The following DST variants were observed in gnomAD, a reference collection of about 807,000 sequenced individuals.
DST encodes the protein dystonin.
A neutral mutation model predicts 875.2 loss-of-function variants in DST; 253 were observed. The observed-to-expected ratio is 0.29, with a 90% CI of 0.26 to 0.32. The LOEUF (loss-of-function observed/expected upper bound fraction) is 0.32, where lower values mean the gene tolerates loss of function less well. Ranked by LOEUF, DST falls within the 10% of genes least tolerant of loss-of-function variation. DST has a pLI of 1.00. For missense variants in DST, 8,287 were observed against 9,111.6 expected (o/e 0.91, Z 3.68); for synonymous variants, 3,124 against 3,197.1 (o/e 0.98, Z 0.77).
chr6:56,954,593 G>C lies in DST; in HGVS notation c.-6C>G, dbSNP rs1562521123. On this transcript the variant is annotated 5_prime_UTR_variant, in exon 1 of 104. Coordinates refer to ENST00000680361, the MANE Select transcript of DST (RefSeq NM_001374736.1). Reference sequence around the variant, plus strand: ...AGGAAAGCCGCGGCGATCATGGTGCGGGCGAGGCGAGGGCGACTCGACGGC... The same window carrying C: ...AGGAAAGCCGCGGCGATCATGGTGCCGGCGAGGCGAGGGCGACTCGACGGC... The C allele has an allele frequency of 2.2e-6, 3 of 1,349,398 alleles. No individual in the cohort carries two copies. Among genetic ancestry groups the C allele is most frequent in the African/African-American group, 3.0e-5 (2 of 66,406 alleles). 83.6% of individuals were successfully genotyped at this position (1,349,398 alleles called of 1,614,324 possible).
chr6:56,749,215 G>A (rs528436944), intron 4 of DST, among the ~76,000 whole-genome samples: 4 of 152,208 alleles, frequency 2.6e-5, no homozygotes, highest in South Asian at 4.1e-4. Flanking sequence ...TTGGCCAGGC[G>A]TGGTGGTGTG....
At chr6:56,759,634 C>T (rs1164000838) in intron 4 of DST, among the ~76,000 whole-genome samples, 1 of 152,120 alleles carries the variant, frequency 6.6e-6, no homozygotes, top group Non-Finnish European at 1.5e-5. Context: ...ATTACAATCC[C>T]TTTGTCAGTC....
intron 2 of DST, chr6:56,945,973 T>C (rs905458854): frequency 1.4e-4 from 22 of 152,156 alleles, no homozygotes; most frequent in African/African-American, 5.3e-4. Flanking sequence ...AATTAAATTG[T>C]GATGATGGTT....
chr6:56,952,536 A>G (rs1474912190), intron 2 of DST, among the ~76,000 whole-genome samples: 1 of 152,240 alleles, frequency 6.6e-6, no homozygotes, highest in Non-Finnish European at 1.5e-5. Context: ...AAGTAATTTA[A>G]TAAAGACTTG....
chr6:56,843,309 G>A lies in DST; in HGVS notation c.625+8088C>T, dbSNP rs576834962. 5.0e-5 allele frequency: 62 copies of A among 1,231,486 alleles called. 1 individual carries two copies. The Middle Eastern group carries it at 9.0e-4, about 18-fold the overall frequency. 76.3% of individuals were successfully genotyped at this position (1,231,486 alleles called of 1,614,324 possible). ...CGAAGACGCAGAGCGGGGGCGCAGG[G>A]GGCTGCCGGCGCCAGGGCCGGCAAA... On this transcript the variant is annotated intron_variant, in intron 4 of 103. Transcript: ENST00000680361.
chr6:56,930,038 G>A (rs1268830159), intron 2 of DST, among the ~76,000 whole-genome samples: 1 of 152,222 alleles, frequency 6.6e-6, no homozygotes, highest in Non-Finnish European at 1.5e-5. Flanking sequence ...CTCTCAGTTG[G>A]GTTAATAAGA....
chr6:56,554,986 GAGA>G (rs1301026012), intron 60 of DST, among the ~76,000 whole-genome samples: 4 of 152,206 alleles, frequency 2.6e-5, no homozygotes, highest in African/African-American at 9.6e-5. Flanking sequence ...AACAGCAGAT[GAGA>G]AGATGATGCA....
rs140409038 is a variant in DST, at chr6:56,641,687, A to C, written c.2027+260T>G. Among the ~76,000 whole-genome samples the C allele has an allele frequency of 1.7e-4, 26 of 152,310 alleles. No individual in the cohort carries two copies. The East Asian group carries it at 4.6e-3, about 27-fold the overall frequency. ...AAATGTATGCATGTAACTTACATCT[A>C]TATCTAGGGTATTCATTTTAACGAG... On this transcript the variant is annotated intron_variant, in intron 17 of 103. Transcript: ENST00000680361.
chr6:56,774,463 AAC>A (rs1483432171), intron 4 of DST, among the ~76,000 whole-genome samples: 1 of 152,208 alleles, frequency 6.6e-6, no homozygotes, highest in Non-Finnish European at 1.5e-5. Context: ...TCCTGCAACA[AAC>A]AACAGTCAAG....
chr6:56,755,838 G>A lies in DST; in HGVS notation c.626-20549C>T, dbSNP rs528514755. Among the ~76,000 whole-genome samples, 3 of 152,282 alleles carry A rather than the reference G, an allele frequency of 2.0e-5. No homozygotes were observed. In the East Asian group the frequency reaches 5.8e-4, roughly 29 times the overall value. ...CTGGTTTATAAAATAGGATTATTCA[G>A]CAAGACACATAGCCTTGCTAGCCAT... On this transcript the variant is annotated intron_variant, in intron 4 of 103. Transcript: ENST00000680361.
chr6:56,482,947 A>C (rs2095445896), intron 88 of DST, 70 bp from the exon 89 acceptor site: 1 of 1,203,082 alleles, frequency 8.3e-7, no homozygotes, highest in East Asian at 2.5e-5. Context: ...ACTGTTTGAG[A>C]TATATATGTG....
chr6:56,908,787 CA>C (rs1797601641), intron 2 of DST, among the ~76,000 whole-genome samples: 1 of 152,198 alleles, frequency 6.6e-6, no homozygotes, highest in Non-Finnish European at 1.5e-5. Flanking sequence ...ACCAATATGG[CA>C]ATGAGAGTGA....
chr6:56,910,262 G>T (rs1562371699), intron 2 of DST, among the ~76,000 whole-genome samples: 2 of 152,100 alleles, frequency 1.3e-5, no homozygotes, highest in Non-Finnish European at 2.9e-5. Flanking sequence ...GAACTCCTGG[G>T]CTCAAGTGAT....
chr6:56,606,818 T>C lies in DST; in HGVS notation c.7810A>G (p.Thr2604Ala), dbSNP rs771308906. Residue 2604 changes from threonine (T) to alanine (A), a missense_variant, in exon 40 of 104, where the codon ACA becomes GCA. By Grantham distance (58) the Thr-to-Ala change is moderately conservative (BLOSUM62 0). Transcript: ENST00000680361. ...LLNDQQNNTG[T>A]DTDSDDDFYD... ...AAATCATCATCACTATCAGTGTCTG[T>C]TCCTGTGTTATTCTGCTGATCATTC... 8 of 1,613,246 alleles carry C rather than the reference T, an allele frequency of 5.0e-6. No individual in the cohort carries two copies. Among genetic ancestry groups the C allele is most frequent in the South Asian group, 4.4e-5 (4 of 91,062 alleles).
At chr6:56,912,820 A>G (rs1799346465) in intron 2 of DST, among the ~76,000 whole-genome samples, 1 of 152,222 alleles carries the variant, frequency 6.6e-6, no homozygotes, top group Non-Finnish European at 1.5e-5. Flanking sequence ...AATGGCACAC[A>G]TCATTTCTTA....
rs1442639943 is a variant in DST, at chr6:56,529,726, C to T, written c.17317G>A (p.Val5773Ile). 6.2e-7 allele frequency: 1 copy of T among 1,611,096 alleles called. No individual in the cohort carries two copies. Among genetic ancestry groups the T allele is most frequent in the African/African-American group, 1.3e-5 (1 of 74,826 alleles). The change falls in exon 66 of 104, where the codon GTT becomes ATT. Residue 5773 changes from valine to isoleucine, a missense_variant. Physicochemically the swap from Val to Ile is conservative, Grantham distance 29. Around this residue, in one of 10 missense-constraint regions of DST, gnomAD observed 777 missense variants for 764.8 expected, o/e 1.02. Coordinates refer to ENST00000680361, the MANE Select transcript of DST (RefSeq NM_001374736.1). ...ACCTTTAAGGACTGGCCAATGCTAA[C>T]AGCCTGGTGTAAATGTTTATTGTGA... ...INHNKHLHQA[V>I]SIGQSLKVLS...
intron 92 of DST, among the ~76,000 whole-genome samples, chr6:56,475,436 A>AC (rs2095139532): frequency 7.8e-6 from 1 of 127,394 alleles, no homozygotes; most frequent in Non-Finnish European, 1.6e-5. Context: ...CACACACACA[A>AC]AATAATGGCA....
rs1386548299 is a variant in DST, at chr6:56,519,524, C to T, written c.18130-1904G>A. 3.9e-5 allele frequency among the ~76,000 whole-genome samples: 6 copies of T among 152,148 alleles called. No homozygotes were observed. The East Asian group carries it at 5.8e-4, about 15-fold the overall frequency. ...GGCTTCCACCCCCACTAAGCAATAACGAACTGCCCCTCCCTCCACTCCTCT... is the reference window on the plus strand; with the variant it reads ...GGCTTCCACCCCCACTAAGCAATAATGAACTGCCCCTCCCTCCACTCCTCT... On this transcript the variant is annotated intron_variant, in intron 69 of 103. Coordinates refer to ENST00000680361, the MANE Select transcript of DST (RefSeq NM_001374736.1).
At position 56,639,773 on chromosome 6, in the gene DST, T is replaced by C. The variant is rs774974326; in HGVS notation, c.2620A>G (p.Ile874Val). The change falls in exon 20 of 104, where the codon ATT becomes GTT. Residue 874 changes from isoleucine (I) to valine (V), a missense_variant and splice_region_variant. Around this residue, in one of 10 missense-constraint regions of DST, gnomAD observed 1,160 missense variants for 1,424.3 expected, o/e 0.81. Coordinates refer to ENST00000680361, the MANE Select transcript of DST (RefSeq NM_001374736.1). ...AGTTTAAGAGGTGCTGTCATTTGAA[T>C]CTATAACATGAGATTAAAAAGACAC... is the stretch of plus-strand genomic sequence containing the variant. ...SSLKEAKISE[I>V]QMTAPLKLTY... is the part of the protein sequence containing the mutation. The C allele has an allele frequency of 1.2e-5, 19 of 1,613,170 alleles. No homozygotes were observed. Among genetic ancestry groups the C allele is most frequent in the Non-Finnish European group, 1.5e-5 (18 of 1,179,402 alleles).
Sources: gnomAD v4.1 joint callset for allele counts (sites outside exome capture counted in the v4.1 genomes callset) on GRCh38, gnomAD v4.1.1 for gene constraint, gnomAD v4.1.1 regional missense constraint, MANE v1.5 for transcripts, NCBI Gene and HGNC (gene_info 2026-07-23, HGNC 2026-07-21) for gene names.